Variants in LYRM4 observed in about 807,000 individuals in gnomAD.
LYRM4 encodes LYR motif-containing protein 4.
A neutral mutation model predicts 11.7 loss-of-function variants in LYRM4; 9 were observed. The observed-to-expected ratio is 0.77, with a 90% CI of 0.46 to 1.34. The LOEUF (loss-of-function observed/expected upper bound fraction) is 1.34, where lower values mean the gene tolerates loss of function less well. Among genes scored for constraint, LYRM4 ranks in the 40% most tolerant of loss-of-function variants. The pLI, the probability that LYRM4 is intolerant of heterozygous loss-of-function variation, is 0.00. For missense variants in LYRM4, 133 were observed against 112.5 expected, an observed-to-expected ratio of 1.18 and a Z score of -0.82; for synonymous variants, 42 against 40.4, an observed-to-expected ratio of 1.04 and a Z score of -0.15.
intron 2 of LYRM4, among the ~76,000 whole-genome samples, chr6:5,186,351 C>T (rs761106444): frequency 2.0e-5 from 3 of 152,176 alleles, no homozygotes; most frequent in Non-Finnish European, 4.4e-5. Flanking sequence ...GCAGACCAGT[C>T]ACTTCAGCAA....
chr6:5,217,983 C>T (rs1484996607), intron 1 of LYRM4, among the ~76,000 whole-genome samples: 1 of 152,126 alleles, frequency 6.6e-6, no homozygotes, highest in African/African-American at 2.4e-5. Context: ...TCATAGCTCA[C>T]TGCAATTGCA....
chr6:5,145,168 G>T (rs1301191383), intron 2 of LYRM4, among the ~76,000 whole-genome samples: 1 of 152,200 alleles, frequency 6.6e-6, no homozygotes, highest in Non-Finnish European at 1.5e-5. Context: ...TCCGTCTTTA[G>T]TCACTGACAG....
At chr6:5,067,891 G>A in the LYRM4 span, among the ~76,000 whole-genome samples, 1 of 152,206 alleles carries the variant, frequency 6.6e-6, no homozygotes, top group Admixed American at 6.5e-5. Flanking sequence ...CGTATATAGT[G>A]TGATGATTTC....
intron 2 of LYRM4, among the ~76,000 whole-genome samples, chr6:5,127,506 G>A (rs1763749346): frequency 6.6e-6 from 1 of 152,146 alleles, no homozygotes; most frequent in Non-Finnish European, 1.5e-5. Context: ...GTCTAGACTT[G>A]TGCTACTCCA....
intron 2 of LYRM4, among the ~76,000 whole-genome samples, chr6:5,151,870 T>C (rs1221002865): frequency 1.3e-5 from 2 of 152,276 alleles, no homozygotes; most frequent in East Asian, 3.9e-4. Flanking sequence ...GAAGATAAGT[T>C]TTTCCTTGTT....
chr6:5,095,686 C>T, the LYRM4 span, among the ~76,000 whole-genome samples: 1 of 152,206 alleles, frequency 6.6e-6, no homozygotes, highest in South Asian at 2.1e-4. Context: ...GGTTAAAAAC[C>T]CTGAGTATTG....
chr6:5,171,685 T>C (rs446312), intron 2 of LYRM4, among the ~76,000 whole-genome samples: 125,195 of 152,200 alleles, frequency 0.82, 52,053 homozygotes, highest in African/African-American at 0.95. Context: ...TTTAAGAGTC[T>C]AACGTGCTGA....
intron 2 of LYRM4, among the ~76,000 whole-genome samples, chr6:5,192,513 C>G (rs971975615): frequency 2.0e-5 from 3 of 152,162 alleles, no homozygotes; most frequent in African/African-American, 7.2e-5. Context: ...GTTCTGAGGT[C>G]CTAATCACTA....
At chr6:5,118,084 A>ATATATATATG (rs1763208902) in intron 2 of LYRM4, among the ~76,000 whole-genome samples, 1 of 39,362 alleles carries the variant, frequency 2.5e-5, no homozygotes, top group Admixed American at 2.2e-4. Flanking sequence ...AAAACAATAT[A>ATATATATATG]TATATATATA....
At chr6:5,174,253 C>A (rs447604) in intron 2 of LYRM4, among the ~76,000 whole-genome samples, 44,610 of 151,970 alleles carry the variant, frequency 0.29, 6,872 homozygotes, top group African/African-American at 0.39. Flanking sequence ...GCAGTGAATG[C>A]TCTACAGAGT....
chr6:5,251,388 A>G (rs1359718744), intron 1 of LYRM4, among the ~76,000 whole-genome samples: 4 of 152,168 alleles, frequency 2.6e-5, no homozygotes, highest in Admixed American at 2.0e-4. Context: ...AAAGAGGTTT[A>G]ATTGGCTCAC....
intron 1 of LYRM4, among the ~76,000 whole-genome samples, chr6:5,228,865 G>A (rs977860760): frequency 2.6e-5 from 4 of 151,134 alleles, no homozygotes; most frequent in Admixed American, 6.6e-5. Flanking sequence ...TTAGCCGGGC[G>A]TGGTGGCGGG....
At chr6:5,218,362 G>A (rs1007171818) in intron 1 of LYRM4, 1 of 984,910 alleles carries the variant, frequency 1.0e-6, no homozygotes. Flanking sequence ...TGGGAGCAGC[G>A]CGGAGGGGGT....
intron 2 of LYRM4, among the ~76,000 whole-genome samples, chr6:5,154,248 AT>A (rs1313729917): frequency 1.3e-5 from 2 of 152,214 alleles, no homozygotes; most frequent in African/African-American, 4.8e-5. Context: ...ATATTAGCCT[AT>A]TAAGTTAACA....
chr6:5,239,892 A>G (rs988881084), intron 1 of LYRM4, among the ~76,000 whole-genome samples: 4 of 152,136 alleles, frequency 2.6e-5, no homozygotes, highest in African/African-American at 9.7e-5. Context: ...CCACCCCCAT[A>G]GGGAACAGTA....
At chr6:5,160,362 G>C (rs575738869) in intron 2 of LYRM4, among the ~76,000 whole-genome samples, 1 of 152,188 alleles carries the variant, frequency 6.6e-6, no homozygotes, top group Non-Finnish European at 1.5e-5. Context: ...CAAGAGATAT[G>C]GTTTGGCTGT....
At chr6:5,065,986 G>A in the LYRM4 span, 5 of 313,514 alleles carry the variant, frequency 1.6e-5, no homozygotes. Context: ...TATTAGATTG[G>A]CACTGCACCT....
intron 2 of LYRM4, among the ~76,000 whole-genome samples, chr6:5,209,558 G>A (rs1463328185): frequency 2.6e-5 from 4 of 152,212 alleles, no homozygotes; most frequent in African/African-American, 4.8e-5. Context: ...TCTATTAAAT[G>A]AGCGAACAGA....
chr6:5,196,260 C>T (rs975211405), intron 2 of LYRM4, among the ~76,000 whole-genome samples: 12 of 152,220 alleles, frequency 7.9e-5, no homozygotes, highest in Admixed American at 1.3e-4. Flanking sequence ...CTTGCAGGTA[C>T]AGGAGTGCAG....
Sources: allele counts gnomAD v4.1 joint callset (sites outside exome capture counted in the v4.1 genomes callset), GRCh38; gene constraint gnomAD v4.1.1; transcripts MANE v1.5; gene names NCBI Gene and HGNC (gene_info 2026-07-23, HGNC 2026-07-21).